Variants in ZNF438 observed in about 807,000 individuals in gnomAD.
ZNF438 encodes the protein zinc finger protein 438.
Under a neutral mutation model 38.0 loss-of-function variants are expected in ZNF438, and 25 were observed. That is an observed-to-expected ratio of 0.66 (90% CI 0.48 to 0.92). The LOEUF is 0.92. Ranked by LOEUF, ZNF438 falls within the 40% of genes least tolerant of loss-of-function variation. The pLI, the probability that ZNF438 is intolerant of heterozygous loss-of-function variation, is 0.00. For missense variants in ZNF438, 1,007 were observed against 999.6 expected (o/e 1.01, Z -0.10); for synonymous variants, 372 against 364.1 (o/e 1.02, Z -0.25).
intron 4 of ZNF438, among the ~76,000 whole-genome samples, chr10:30,852,603 G>A (rs901103894): frequency 1.3e-5 from 2 of 152,182 alleles, no homozygotes; most frequent in African/African-American, 4.8e-5. Flanking sequence ...AAATAAACAA[G>A]CAACCTAGTA....
intron 1 of ZNF438, among the ~76,000 whole-genome samples, chr10:30,950,603 G>C (rs1477220646): frequency 6.6e-6 from 1 of 150,968 alleles, no homozygotes; most frequent in African/African-American, 2.4e-5. Context: ...ACTACCATCA[G>C]AGAATACTAC....
intron 1 of ZNF438, among the ~76,000 whole-genome samples, chr10:30,971,835 T>C (rs1258697046): frequency 6.6e-6 from 1 of 152,224 alleles, no homozygotes; most frequent in Non-Finnish European, 1.5e-5. Flanking sequence ...GTGTATTTAA[T>C]CAAGGTGCAA....
At chr10:30,884,172 T>C (rs1169777802) in intron 3 of ZNF438, among the ~76,000 whole-genome samples, 1 of 152,212 alleles carries the variant, frequency 6.6e-6, no homozygotes, top group Non-Finnish European at 1.5e-5. Flanking sequence ...TCCTAATATC[T>C]TGGTATTTCA....
intron 4 of ZNF438, among the ~76,000 whole-genome samples, chr10:30,869,160 G>A (rs752222810): frequency 8.5e-5 from 13 of 152,190 alleles, no homozygotes; most frequent in Non-Finnish European, 1.8e-4. Flanking sequence ...ATCACCTGAG[G>A]TCAGGAGTTT....
At chr10:30,881,946 A>G (rs1333183207) in intron 3 of ZNF438, among the ~76,000 whole-genome samples, 1 of 152,208 alleles carries the variant, frequency 6.6e-6, no homozygotes, top group Non-Finnish European at 1.5e-5. Flanking sequence ...CAAATGTAAA[A>G]CACAAAACTT....
chr10:31,011,240 T>C (rs1383103782), intron 1 of ZNF438, among the ~76,000 whole-genome samples: 3 of 152,198 alleles, frequency 2.0e-5, no homozygotes, highest in African/African-American at 7.2e-5. Context: ...TTTTCCACAC[T>C]GTGAGCTGGC....
chr10:31,015,465 G>A (rs1182480837), intron 1 of ZNF438, among the ~76,000 whole-genome samples: 3 of 152,072 alleles, frequency 2.0e-5, no homozygotes, highest in Non-Finnish European at 2.9e-5. Context: ...CCAACACGGT[G>A]AAACCCCGTC....
chr10:30,902,183 C>T (rs2042089930), intron 3 of ZNF438, among the ~76,000 whole-genome samples: 3 of 152,106 alleles, frequency 2.0e-5, no homozygotes, highest in Admixed American at 2.0e-4. Flanking sequence ...CTTATCTGGC[C>T]CCACCTAAAT....
intron 4 of ZNF438, among the ~76,000 whole-genome samples, chr10:30,861,886 A>G (rs1056937003): frequency 6.6e-6 from 1 of 152,214 alleles, no homozygotes; most frequent in Non-Finnish European, 1.5e-5. Context: ...CAAATCTAAG[A>G]ATGACCGAGG....
intron 1 of ZNF438, among the ~76,000 whole-genome samples, chr10:31,007,039 G>A (rs2055205409): frequency 6.6e-6 from 1 of 151,990 alleles, no homozygotes; most frequent in African/African-American, 2.4e-5. Flanking sequence ...CCAGAAAAAT[G>A]GCACTGTGAG....
At chr10:31,017,269 C>T (rs796301186) in intron 1 of ZNF438, among the ~76,000 whole-genome samples, 4 of 152,346 alleles carry the variant, frequency 2.6e-5, no homozygotes, top group African/African-American at 9.6e-5. Flanking sequence ...GACCCTTGTC[C>T]AGGCAGTCTT....
At chr10:30,891,580 T>C (rs1589040157) in intron 3 of ZNF438, among the ~76,000 whole-genome samples, 2 of 152,304 alleles carry the variant, frequency 1.3e-5, no homozygotes, top group African/African-American at 4.8e-5. Context: ...CCTAGTCTCT[T>C]GAATTTATCT....
At chr10:30,976,949 A>T (rs1396447432) in intron 1 of ZNF438, among the ~76,000 whole-genome samples, 1 of 152,216 alleles carries the variant, frequency 6.6e-6, no homozygotes, top group African/African-American at 2.4e-5. Flanking sequence ...GTTCAACAAC[A>T]TAATAGGTAT....
chr10:30,939,134 C>T (rs2046558760), intron 2 of ZNF438, among the ~76,000 whole-genome samples: 1 of 152,108 alleles, frequency 6.6e-6, no homozygotes, highest in Non-Finnish European at 1.5e-5. Context: ...ACTTCCTAGC[C>T]CTTAGCATTG....
At chr10:30,975,039 T>G (rs1348701905) in intron 1 of ZNF438, among the ~76,000 whole-genome samples, 1 of 152,120 alleles carries the variant, frequency 6.6e-6, no homozygotes, top group African/African-American at 2.4e-5. Flanking sequence ...GTAGTCTAGC[T>G]ACATAATCAT....
chr10:30,930,012 C>T lies in ZNF438; in HGVS notation c.-115+11563G>A, dbSNP rs539810709. 2.0e-5 allele frequency among the ~76,000 whole-genome samples: 3 copies of T among 152,364 alleles called. No homozygotes were observed. The East Asian group carries it at 5.8e-4, about 29-fold the overall frequency. On this transcript the variant is annotated intron_variant, in intron 2 of 5. Coordinates refer to ENST00000413025, the Ensembl canonical transcript of ZNF438. ...CCCATCTGGCTTCACCTAGTGGATC[C>T]CTCGCCAGGGCCGCAGGTGGAGCTG... is the stretch of plus-strand genomic sequence containing the variant.
chr10:30,982,736 A>G (rs978685622), intron 1 of ZNF438, among the ~76,000 whole-genome samples: 2 of 152,216 alleles, frequency 1.3e-5, no homozygotes, highest in Non-Finnish European at 1.5e-5. Context: ...TTATTAATGA[A>G]AAGTTACATA....
At chr10:31,012,729 T>C (rs1333614708) in intron 1 of ZNF438, among the ~76,000 whole-genome samples, 2 of 152,168 alleles carry the variant, frequency 1.3e-5, no homozygotes, top group Non-Finnish European at 2.9e-5. Flanking sequence ...TCTCTATCTT[T>C]CCTAATCCAT....
chr10:31,019,571 T>C lies in ZNF438; in HGVS notation c.-192+12262A>G, dbSNP rs114793148. ...AAAAAGGCAAGGGATTAAAATCCAG[T>C]GTATGCCAAGAACTGCTGCAAAAAC... On this transcript the variant is annotated intron_variant, in intron 1 of 5. Transcript: ENST00000413025. Among the ~76,000 whole-genome samples the C allele has an allele frequency of 4.0e-3, 614 of 151,886 alleles. 5 individuals carry two copies. The highest frequency in any genetic ancestry group is 0.014 in the African/African-American group (592 of 41,336).
Sources: gnomAD v4.1 joint callset for allele counts (sites outside exome capture counted in the v4.1 genomes callset) on GRCh38, gnomAD v4.1.1 for gene constraint, MANE v1.5 for transcripts, NCBI Gene and HGNC (gene_info 2026-07-23, HGNC 2026-07-21) for gene names.